Variants in BTRC observed in about 807,000 individuals in gnomAD.
The protein encoded by BTRC is F-box/WD repeat-containing protein 1A.
In BTRC, 42 loss-of-function variants were observed where a neutral mutation model predicts 85.5. The observed-to-expected ratio is 0.49, with a 90% CI of 0.38 to 0.64. BTRC has a LOEUF of 0.64. BTRC is among the 30% of genes least tolerant of loss of function. The probability of loss-of-function intolerance (pLI) is 0.00; values close to 1 mark genes in which losing one functional copy is unlikely to be tolerated. For missense variants in BTRC, 594 were observed against 743.5 expected (o/e 0.80, Z 2.34); for synonymous variants, 255 against 263.3 (o/e 0.97, Z 0.30).
chr10:101,512,431 C>T (rs1456270267), intron 4 of BTRC, among the ~76,000 whole-genome samples: 1 of 152,100 alleles, frequency 6.6e-6, no homozygotes, highest in South Asian at 2.1e-4. Flanking sequence ...AAAGAGTGTC[C>T]TATGTCTGGA....
chr10:101,523,240 C>A (rs1026555993), intron 5 of BTRC, among the ~76,000 whole-genome samples: 6 of 151,996 alleles, frequency 3.9e-5, no homozygotes, highest in African/African-American at 1.5e-4. Context: ...TAAATAAATT[C>A]TACAGATGAC....
intron 1 of BTRC, among the ~76,000 whole-genome samples, chr10:101,366,903 T>C (rs1220258649): frequency 2.5e-5 from 1 of 40,186 alleles, no homozygotes; most frequent in East Asian, 9.3e-4. Context: ...TATATTTATA[T>C]ATATTAATAT....
At position 101,532,811 on chromosome 10, in the gene BTRC, C is replaced by T; in HGVS notation, c.979-141C>T. The T allele has an allele frequency of 5.8e-6, 4 of 692,312 alleles. No homozygotes were observed. The Admixed American group carries it at 7.1e-5, about 12-fold the overall frequency. The allele number at this position is 692,312 out of a possible 1,614,324, so 42.9% of individuals were successfully genotyped here. A position where few individuals can be genotyped will look rare whatever the true frequency, so the allele number is the denominator to read the frequency against. On this transcript the variant is annotated intron_variant, in intron 8 of 14. Transcript: ENST00000370187. ...GTGTGCGCGTGTGCGCGCGCGCGCG[C>T]TTAGCTATACCTATAGAAAATGCAT... is the stretch of plus-strand genomic sequence containing the variant.
At chr10:101,482,820 C>A (rs1025661821) in intron 4 of BTRC, among the ~76,000 whole-genome samples, 5 of 152,184 alleles carry the variant, frequency 3.3e-5, no homozygotes, top group African/African-American at 1.2e-4. Context: ...ATAGTTTCAT[C>A]TGCTGCATTG....
At chr10:101,357,106 G>T (rs908911971) in intron 1 of BTRC, among the ~76,000 whole-genome samples, 1 of 151,428 alleles carries the variant, frequency 6.6e-6, no homozygotes. Flanking sequence ...TCCAGCCTGG[G>T]CGACAGAGCA....
chr10:101,425,745 G>C (rs1455219700), intron 1 of BTRC, among the ~76,000 whole-genome samples: 3 of 151,838 alleles, frequency 2.0e-5, no homozygotes, highest in African/African-American at 4.8e-5. Flanking sequence ...AGGAGGTCAA[G>C]GGTGCAGTGA....
At chr10:101,453,634 C>T (rs1174438624) in intron 2 of BTRC, 6 of 152,140 alleles carry the variant, frequency 3.9e-5, no homozygotes, top group African/African-American at 1.4e-4. Context: ...ATAATCAACT[C>T]TTAATTATCC....
chr10:101,356,992 G>A (rs1284830869), intron 1 of BTRC, among the ~76,000 whole-genome samples: 4 of 151,796 alleles, frequency 2.6e-5, no homozygotes, highest in Non-Finnish European at 5.9e-5. Flanking sequence ...AGGCGGGTGT[G>A]GCAGCGTGCG....
chr10:101,368,462 T>C (rs1473889850), intron 1 of BTRC, among the ~76,000 whole-genome samples: 3 of 111,738 alleles, frequency 2.7e-5, no homozygotes, highest in Non-Finnish European at 5.4e-5. Context: ...GCAACTGTTT[T>C]TCTTTTTTTT....
At chr10:101,523,949 C>T (rs1235688016) in intron 5 of BTRC, among the ~76,000 whole-genome samples, 1 of 152,058 alleles carries the variant, frequency 6.6e-6, no homozygotes, top group Non-Finnish European at 1.5e-5. Context: ...AAAATACAGA[C>T]ATAGAATCAC....
chr10:101,474,584 T>G (rs1235050794), intron 3 of BTRC, among the ~76,000 whole-genome samples: 1 of 152,244 alleles, frequency 6.6e-6, no homozygotes, highest in East Asian at 1.9e-4. Context: ...TATGTAATTT[T>G]TTAGTCTTCC....
At chr10:101,420,340 C>A (rs1944066983) in intron 1 of BTRC, among the ~76,000 whole-genome samples, 1 of 152,078 alleles carries the variant, frequency 6.6e-6, no homozygotes, top group Non-Finnish European at 1.5e-5. Flanking sequence ...TCACCCCATA[C>A]TTCATATGCA....
At chr10:101,385,121 T>C (rs1182374924) in intron 1 of BTRC, among the ~76,000 whole-genome samples, 2 of 151,886 alleles carry the variant, frequency 1.3e-5, no homozygotes, top group African/African-American at 2.4e-5. Flanking sequence ...TAGTCCCAGC[T>C]ACTTGCTTTG....
intron 1 of BTRC, among the ~76,000 whole-genome samples, chr10:101,377,975 T>C (rs190924827): frequency 3.7e-4 from 57 of 152,280 alleles, no homozygotes; most frequent in African/African-American, 1.1e-3. Flanking sequence ...GCCTGTAATT[T>C]TTTTAAAGCA....
intron 1 of BTRC, among the ~76,000 whole-genome samples, chr10:101,366,333 G>C (rs1025528559): frequency 2.0e-5 from 3 of 152,020 alleles, no homozygotes; most frequent in South Asian, 2.1e-4. Flanking sequence ...GGGGGCAGAG[G>C]GGGGTGAAGA....
rs2270439 is a variant in BTRC, at chr10:101,550,817, C to T, written c.1775C>T (p.Pro592Leu). The T allele has an allele frequency of 6.3e-5, 101 of 1,613,892 alleles. No homozygotes were observed. The highest frequency in any genetic ancestry group is 2.8e-4 in the Admixed American group (17 of 59,998). ...AATGATCCAGCTGCCCAAGCTGAAC[C>T]CCCCCGTTCCCCTTCTCGAACATAC... The part of the protein sequence containing the change: ...FLNDPAAQAE[P>L]PRSPSRTYTY... Residue 592 changes from proline to leucine, a missense_variant, in exon 14 of 15, where the codon CCC (proline) becomes CTC (leucine). This residue lies in a region of BTRC where 56 missense variants were observed against 39.6 expected (regional missense o/e 1.41). Coordinates refer to ENST00000370187, the MANE Select transcript of BTRC (RefSeq NM_033637.4).
chr10:101,380,496 G>A (rs1002729768), intron 1 of BTRC, among the ~76,000 whole-genome samples: 1 of 152,118 alleles, frequency 6.6e-6, no homozygotes, highest in African/African-American at 2.4e-5. Context: ...GCCGGGCAGA[G>A]GTACTCCTCA....
intron 1 of BTRC, among the ~76,000 whole-genome samples, chr10:101,418,283 G>A (rs902697015): frequency 6.6e-6 from 1 of 151,962 alleles, no homozygotes; most frequent in Non-Finnish European, 1.5e-5. Context: ...CAGGAGAATC[G>A]CTTGAACCTG....
chr10:101,491,425 C>T (rs559516765), intron 4 of BTRC, among the ~76,000 whole-genome samples: 20 of 152,064 alleles, frequency 1.3e-4, no homozygotes, highest in Admixed American at 9.2e-4. Context: ...TGGCCTGGTT[C>T]GGCTCACACT....
Sources: allele counts gnomAD v4.1 joint callset (sites outside exome capture counted in the v4.1 genomes callset), GRCh38; gene constraint gnomAD v4.1.1; regional missense constraint gnomAD v4.1.1; transcripts MANE v1.5; gene names NCBI Gene and HGNC (gene_info 2026-07-23, HGNC 2026-07-21).